Variants in PROSER2 observed in about 807,000 individuals in gnomAD.
PROSER2 encodes the protein proline and serine rich 2, also known as proline and serine-rich protein 2.
A neutral mutation model predicts 14.6 loss-of-function variants in PROSER2; 18 were observed. The ratio of observed to expected loss-of-function variants is 1.23; its 90% confidence interval spans 0.85 to 1.83. The LOEUF (loss-of-function observed/expected upper bound fraction) is 1.83, where lower values mean the gene tolerates loss of function less well. Ranked by LOEUF, PROSER2 falls within the 40% of genes most tolerant of loss-of-function variation. PROSER2 has a pLI of 0.00. For missense variants in PROSER2, 823 were observed against 629.8 expected (o/e 1.31, Z -3.28); for synonymous variants, 367 against 286.4 (o/e 1.28, Z -2.84).
chr10:11,861,995 C>T (rs897087020), intron 2 of PROSER2, among the ~76,000 whole-genome samples: 1 of 151,296 alleles, frequency 6.6e-6, no homozygotes. Context: ...CATCAGACTC[C>T]CTGGAGGCTG....
chr10:11,855,528 T>G (rs1169685070), intron 2 of PROSER2, among the ~76,000 whole-genome samples: 2 of 151,842 alleles, frequency 1.3e-5, no homozygotes, highest in Non-Finnish European at 1.5e-5. Context: ...TGATTTTAAT[T>G]GAGAGTACCC....
chr10:11,861,198 C>CCTTGTTG (rs1233331852), intron 2 of PROSER2, among the ~76,000 whole-genome samples: 1 of 152,178 alleles, frequency 6.6e-6, no homozygotes, highest in Non-Finnish European at 1.5e-5. Flanking sequence ...GTGCCTTGTT[C>CCTTGTTG]CTTGTTGCTT....
At chr10:11,831,577 C>A (rs376583524) in intron 1 of PROSER2, 2 of 152,092 alleles carry the variant, frequency 1.3e-5, no homozygotes, top group African/African-American at 4.8e-5. Flanking sequence ...GAGATTGATA[C>A]CAGTTTGCAA....
At position 11,837,908 on chromosome 10, in the gene PROSER2, C is replaced by T. The variant is rs960041912; in HGVS notation, c.-81-14089C>T. 3.3e-5 allele frequency among the ~76,000 whole-genome samples: 5 copies of T among 151,906 alleles called. No homozygotes were observed. Among genetic ancestry groups the T allele is most frequent in the African/African-American group, 4.8e-5 (2 of 41,310 alleles). On this transcript the variant is annotated intron_variant, in intron 1 of 3. Transcript: ENST00000277570. The surrounding 1 kb of genome is among the most constrained non-coding windows in gnomAD (Gnocchi z 4.6). ...CTTCGGGGTTTTTCCTCTTCCTGTT[C>T]GTACACCCTTGCGGTCTTCGGACTT...
At chr10:11,834,407 C>A (rs1185489045) in intron 1 of PROSER2, among the ~76,000 whole-genome samples, 1 of 151,800 alleles carries the variant, frequency 6.6e-6, no homozygotes, top group African/African-American at 2.4e-5. Flanking sequence ...TCTTACAGAT[C>A]GGCTCCTTGG....
In PROSER2 at chr10:11,869,211, C is replaced by T. The variant is rs960851310; in HGVS notation, c.392-279C>T. On this transcript the variant is annotated intron_variant, in intron 3 of 3. Coordinates refer to ENST00000277570, the MANE Select transcript of PROSER2 (RefSeq NM_153256.4). The surrounding 1 kb of genome is among the most constrained non-coding windows in gnomAD (Gnocchi z 4.4). Reference sequence around the variant, plus strand: ...CCTGTCCCAGCCTCAGGGGCTGGAGCCTCAGCAGCCCACATGGACGGAATG... The same window carrying T: ...CCTGTCCCAGCCTCAGGGGCTGGAGTCTCAGCAGCCCACATGGACGGAATG... 6.6e-6 allele frequency among the ~76,000 whole-genome samples: 1 copy of T among 152,192 alleles called. No homozygotes were observed. Among genetic ancestry groups the T allele is most frequent in the Non-Finnish European group, 1.5e-5 (1 of 68,034 alleles).
At chr10:11,845,126 A>G (rs1393071126) in intron 1 of PROSER2, among the ~76,000 whole-genome samples, 1 of 152,132 alleles carries the variant, frequency 6.6e-6, no homozygotes, top group African/African-American at 2.4e-5. Context: ...TTACTTTTGC[A>G]CCAACCTAAT....
chr10:11,866,106 A>T lies in PROSER2; in HGVS notation c.139-425A>T. Among the ~76,000 whole-genome samples the T allele has an allele frequency of 6.6e-6, 1 of 152,210 alleles. No individual in the cohort carries two copies. The highest frequency in any genetic ancestry group is 3.4e-3 in the Middle Eastern group (1 of 294). ...TTGTGATTTGTGCCTTAAAAAAAAA[A>T]TCCCTTCGTTTTAGTACGGTTTCTG... On this transcript the variant is annotated intron_variant, in intron 2 of 3. Transcript: ENST00000277570. This position sits in a 1 kb window ranked among gnomAD's most constrained non-coding sequence, Gnocchi z 6.0.
intron 2 of PROSER2, among the ~76,000 whole-genome samples, chr10:11,855,291 G>T (rs1447059716): frequency 6.6e-6 from 1 of 151,732 alleles, no homozygotes; most frequent in East Asian, 1.9e-4. Flanking sequence ...GGCTAAGACG[G>T]TGAAACCCCG....
chr10:11,846,895 C>T lies in PROSER2; in HGVS notation c.-81-5102C>T, dbSNP rs1005068146. ...ACGAGACTACAGGCACGCACCACCA[C>T]GCCTGGCTGATTTTGCTATTTTTGG... On this transcript the variant is annotated intron_variant, in intron 1 of 3. Coordinates refer to ENST00000277570, the MANE Select transcript of PROSER2 (RefSeq NM_153256.4). Among the ~76,000 whole-genome samples, 4 of 152,148 alleles carry T rather than the reference C, an allele frequency of 2.6e-5. No homozygotes were observed. In the East Asian group the frequency reaches 7.7e-4, roughly 29 times the overall value.
rs145971555 is a variant in PROSER2 at position 11,852,165 on chromosome 10, G to A, written c.88G>A (p.Gly30Ser). 28 of 1,613,144 alleles carry A rather than the reference G, an allele frequency of 1.7e-5. No homozygotes were observed. The African/African-American group carries it at 2.1e-4, about 12-fold the overall frequency. The change falls in exon 2 of 4, where the codon GGC (glycine) becomes AGC (serine). Residue 30 changes from glycine (G) to serine (S), a missense_variant. Transcript: ENST00000277570. ...SCRLRAFSRG[G>S]SLESRSSSSR... ...CAGGCTCCGAGCCTTCAGCAGAGGCGGCAGCCTGGAGAGTCGAAGCAGCAG... is the reference window on the plus strand; with the variant it reads ...CAGGCTCCGAGCCTTCAGCAGAGGCAGCAGCCTGGAGAGTCGAAGCAGCAG...
chr10:11,862,977 G>GGTT lies in PROSER2; in HGVS notation c.139-3554_139-3553insGTT, dbSNP rs1834272685. The GGTT allele has an allele frequency of 6.6e-6, 1 of 152,148 alleles. No individual in the cohort carries two copies. The highest frequency in any genetic ancestry group is 1.5e-5 in the Non-Finnish European group (1 of 68,024). The allele number at this position is 152,148 out of a possible 1,614,324, so 9.4% of individuals were successfully genotyped here. Reference sequence around the variant, plus strand: ...CAGTACAACCACTTCGGAAAGCTGTGTCCACCCACCCAAGCAGACACACAT... The same window carrying GGTT: ...CAGTACAACCACTTCGGAAAGCTGTGGTTTCCACCCACCCAAGCAGACACACAT... On this transcript the variant is annotated intron_variant, in intron 2 of 3. Transcript: ENST00000277570. The surrounding 1 kb of genome is among the most constrained non-coding windows in gnomAD (Gnocchi z 4.2).
rs1834347602 is a variant in PROSER2 at position 11,866,323 on chromosome 10, C to G, written c.139-208C>G. ...AGGGCCCGTTATAACAGCTTTGAGG[C>G]TCTGTTGTTTGCTCTGCCTTTCGGA... is the stretch of plus-strand genomic sequence containing the variant. On this transcript the variant is annotated intron_variant, in intron 2 of 3. Coordinates refer to ENST00000277570, the MANE Select transcript of PROSER2 (RefSeq NM_153256.4). The surrounding 1 kb of genome is among the most constrained non-coding windows in gnomAD (Gnocchi z 6.0). 6.6e-6 allele frequency among the ~76,000 whole-genome samples: 1 copy of G among 152,168 alleles called. No homozygotes were observed. Among genetic ancestry groups the G allele is most frequent in the Non-Finnish European group, 1.5e-5 (1 of 68,042 alleles).
intron 1 of PROSER2, among the ~76,000 whole-genome samples, chr10:11,826,180 C>T (rs1298895685): frequency 2.0e-5 from 3 of 152,110 alleles, no homozygotes; most frequent in Non-Finnish European, 2.9e-5. Flanking sequence ...TTTCAAGGTC[C>T]GTCCGTGTCG....
rs1056423638 is a variant in PROSER2 at position 11,830,266 on chromosome 10, A to C, written c.-82+6796A>C. On this transcript the variant is annotated intron_variant, in intron 1 of 3. Transcript: ENST00000277570. The surrounding 1 kb of genome is among the most constrained non-coding windows in gnomAD (Gnocchi z 4.5). The stretch of plus-strand genomic sequence containing the variant: ...ACCCATCGTTTAGTTCCCACTTGTG[A>C]GAACATGCAGTGTTTGACTTTCAGA... Among the ~76,000 whole-genome samples the C allele has an allele frequency of 1.3e-5, 2 of 152,162 alleles. No homozygotes were observed. The highest frequency in any genetic ancestry group is 2.9e-5 in the Non-Finnish European group (2 of 68,030).
intron 2 of PROSER2, among the ~76,000 whole-genome samples, chr10:11,855,015 A>G (rs1480396763): frequency 6.6e-6 from 1 of 152,046 alleles, no homozygotes; most frequent in Non-Finnish European, 1.5e-5. Context: ...GTCAGTCAAC[A>G]GCGTTTTTAG....
chr10:11,824,928 C>G (rs1029058959), intron 1 of PROSER2, among the ~76,000 whole-genome samples: 5 of 152,054 alleles, frequency 3.3e-5, no homozygotes, highest in African/African-American at 1.2e-4. Flanking sequence ...GGGGGAGTTG[C>G]CCATTAATTC....
intron 3 of PROSER2, among the ~76,000 whole-genome samples, chr10:11,868,098 A>C (rs1442796628): frequency 6.6e-6 from 1 of 152,196 alleles, no homozygotes; most frequent in Non-Finnish European, 1.5e-5. Flanking sequence ...CTCTTCAAAG[A>C]GGAGAAGTAA....
At chr10:11,859,672 C>T (rs1461939785) in intron 2 of PROSER2, among the ~76,000 whole-genome samples, 1 of 152,212 alleles carries the variant, frequency 6.6e-6, no homozygotes, top group Non-Finnish European at 1.5e-5. Flanking sequence ...CAGCTCTCTC[C>T]CGCCTCCAAG....
Sources: gnomAD v4.1 joint callset for allele counts (sites outside exome capture counted in the v4.1 genomes callset) on GRCh38, gnomAD v4.1.1 for gene constraint, Gnocchi (gnomAD v3.1) non-coding constraint, MANE v1.5 for transcripts, NCBI Gene and HGNC (gene_info 2026-07-23, HGNC 2026-07-21) for gene names.